NEMP2: variants seen among roughly 807,000 people sequenced by gnomAD.
NEMP2 encodes the protein UPF0571 transmembrane protein.
NEMP2 carries 53 observed loss-of-function variants against 54.2 expected under a neutral mutation model. The observed-to-expected ratio is 0.98, with a 90% CI of 0.78 to 1.23. The LOEUF is 1.23. NEMP2 is among the 50% of genes most tolerant of loss of function. The pLI is 0.00. For missense variants in NEMP2, 455 were observed against 511.3 expected (o/e 0.89, Z 1.06); for synonymous variants, 197 against 190.3 (o/e 1.04, Z -0.29).
the NEMP2 span, among the ~76,000 whole-genome samples, chr2:190,558,084 C>T: frequency 6.6e-6 from 1 of 152,160 alleles, no homozygotes; most frequent in Non-Finnish European, 1.5e-5. The surrounding 1 kb of genome is among the most constrained non-coding windows in gnomAD (Gnocchi z 4.4). Flanking sequence ...AAATGCCCAT[C>T]AATGATAGAC....
At chr2:190,607,416 G>C in the NEMP2 span, among the ~76,000 whole-genome samples, 3 of 152,250 alleles carry the variant, frequency 2.0e-5, no homozygotes, top group African/African-American at 7.2e-5. This position sits in a 1 kb window ranked among gnomAD's most constrained non-coding sequence, Gnocchi z 5.2. Context: ...CCAAAGCCAT[G>C]ACCCTAGACT....
At chr2:190,545,612 A>G in the NEMP2 span, among the ~76,000 whole-genome samples, 2 of 152,332 alleles carry the variant, frequency 1.3e-5, no homozygotes, top group South Asian at 4.1e-4. Context: ...GCACTTCAGA[A>G]TATCCCCAGC....
rs1338170596 is a variant in NEMP2 at position 190,528,522 on chromosome 2, C to T, written c.98-3144G>A. 6.6e-6 allele frequency among the ~76,000 whole-genome samples: 1 copy of T among 152,168 alleles called. No homozygotes were observed. The highest frequency in any genetic ancestry group is 2.4e-5 in the African/African-American group (1 of 41,432). ...GGTGAAGAGCATGAAGTCTCAGGTA[C>T]ACGGACCCAGCAGCCCAAACTATGA... On this transcript the variant is annotated intron_variant, in intron 1 of 8. Coordinates refer to ENST00000409150, the MANE Select transcript of NEMP2 (RefSeq NM_001142645.2). The surrounding 1 kb of genome is among the most constrained non-coding windows in gnomAD (Gnocchi z 4.3).
chr2:190,435,864 C>A, the NEMP2 span: 1 of 923,144 alleles, frequency 1.1e-6, no homozygotes, highest in Non-Finnish European at 1.6e-6. Context: ...TGAGAATTCT[C>A]TCTTGCAATT....
At chr2:190,577,444 CAT>C in the NEMP2 span, among the ~76,000 whole-genome samples, 3 of 152,108 alleles carry the variant, frequency 2.0e-5, no homozygotes, top group South Asian at 2.1e-4. This position sits in a 1 kb window ranked among gnomAD's most constrained non-coding sequence, Gnocchi z 4.8. Context: ...TAAAAATTCA[CAT>C]GTTCTTATTA....
At chr2:190,431,404 G>A in the NEMP2 span, among the ~76,000 whole-genome samples, 34 of 152,352 alleles carry the variant, frequency 2.2e-4, no homozygotes, top group East Asian at 1.7e-3. The surrounding 1 kb of genome is among the most constrained non-coding windows in gnomAD (Gnocchi z 4.4). Flanking sequence ...CTGCACTCCA[G>A]CCTGGGCACC....
chr2:190,500,039 T>C (rs779890156), downstream of NEMP2: 1 of 1,614,022 alleles, frequency 6.2e-7, no homozygotes, highest in African/African-American at 1.3e-5. The surrounding 1 kb of genome is among the most constrained non-coding windows in gnomAD (Gnocchi z 5.3). Flanking sequence ...TAGGGAAAAT[T>C]CTCCTGCTGG....
the NEMP2 span, among the ~76,000 whole-genome samples, chr2:190,464,317 C>G: frequency 2.0e-5 from 3 of 152,174 alleles, no homozygotes; most frequent in East Asian, 5.8e-4. Flanking sequence ...AGGGGCTTTG[C>G]AAAATGCTTG....
the NEMP2 span, among the ~76,000 whole-genome samples, chr2:190,544,490 A>G: frequency 5.3e-5 from 8 of 152,258 alleles, no homozygotes; most frequent in African/African-American, 1.9e-4. Context: ...TGTGATTCTC[A>G]AATTTTGGTG....
At chr2:190,641,958 CT>C in the NEMP2 span, among the ~76,000 whole-genome samples, 3 of 152,216 alleles carry the variant, frequency 2.0e-5, no homozygotes, top group African/African-American at 7.2e-5. Context: ...TTTCTTCTGT[CT>C]TAAACACAAA....
At chr2:190,566,743 G>GAA in the NEMP2 span, among the ~76,000 whole-genome samples, 4 of 147,222 alleles carry the variant, frequency 2.7e-5, no homozygotes, top group African/African-American at 7.5e-5. Flanking sequence ...AGAAAGAAAA[G>GAA]AAAAAAAAAG....
At chr2:190,553,722 C>G in the NEMP2 span, among the ~76,000 whole-genome samples, 1 of 151,286 alleles carries the variant, frequency 6.6e-6, no homozygotes, top group East Asian at 1.9e-4. Flanking sequence ...CATGTCAGAA[C>G]ATTTCTGGTG....
chr2:190,583,263 C>G, the NEMP2 span, among the ~76,000 whole-genome samples: 1 of 148,172 alleles, frequency 6.7e-6, no homozygotes, highest in Non-Finnish European at 1.5e-5. Context: ...CTAGAGATGA[C>G]AGCTGGCAAT....
At chr2:190,470,901 A>C in the NEMP2 span, among the ~76,000 whole-genome samples, 4 of 147,186 alleles carry the variant, frequency 2.7e-5, no homozygotes, top group Non-Finnish European at 6.1e-5. Flanking sequence ...TATAAAATTC[A>C]AGTATATATA....
chr2:190,510,460 T>A lies in NEMP2; in HGVS notation c.1031A>T (p.Asp344Val), dbSNP rs763832157. 3.2e-6 allele frequency: 5 copies of A among 1,551,840 alleles called. 1 individual carries two copies. In the South Asian group the frequency reaches 5.9e-5, roughly 18 times the overall value. Residue 344 changes from aspartate (D) to valine (V), a missense_variant, in exon 8 of 9, where the codon GAT becomes GTT. Coordinates refer to ENST00000409150, the MANE Select transcript of NEMP2 (RefSeq NM_001142645.2). This position sits in a 1 kb window ranked among gnomAD's most constrained non-coding sequence, Gnocchi z 5.7. ...CTCCAGAGCACTGTTCGTTTCAGCA[T>A]CAGCTTGCTCCCTGTACTCGTCTTC... ...LTEDEYREQA[D>V]AETNSALEEL...
the NEMP2 span, among the ~76,000 whole-genome samples, chr2:190,564,714 T>A: frequency 2.0e-5 from 3 of 152,188 alleles, no homozygotes; most frequent in Non-Finnish European, 4.4e-5. This position sits in a 1 kb window ranked among gnomAD's most constrained non-coding sequence, Gnocchi z 4.2. Context: ...CTTGGCTCAT[T>A]CAACTGCCAC....
chr2:190,449,293 G>A, the NEMP2 span, among the ~76,000 whole-genome samples: 1 of 151,968 alleles, frequency 6.6e-6, no homozygotes, highest in Non-Finnish European at 1.5e-5. Context: ...GGTCAACATG[G>A]TGAAACCCCA....
chr2:190,494,010 G>C, the NEMP2 span, among the ~76,000 whole-genome samples: 1,223 of 151,298 alleles, frequency 8.1e-3, 23 homozygotes, highest in African/African-American at 0.027. The surrounding 1 kb of genome is among the most constrained non-coding windows in gnomAD (Gnocchi z 5.7). Flanking sequence ...ACCAAGATGA[G>C]AGAATAACTA....
the NEMP2 span, chr2:190,437,550 C>T: frequency 7.4e-5 from 119 of 1,612,788 alleles, 1 homozygote; most frequent in Admixed American, 3.3e-4. The surrounding 1 kb of genome is among the most constrained non-coding windows in gnomAD (Gnocchi z 5.9). Context: ...TTGAATTGAT[C>T]GGCCACATCA....
Sources: gnomAD v4.1 joint callset for allele counts (sites outside exome capture counted in the v4.1 genomes callset) on GRCh38, gnomAD v4.1.1 for gene constraint, Gnocchi (gnomAD v3.1) non-coding constraint, MANE v1.5 for transcripts, NCBI Gene and HGNC (gene_info 2026-07-23, HGNC 2026-07-21) for gene names.